The following FZD3 variants were observed in gnomAD, a reference collection of about 807,000 sequenced individuals.
The protein encoded by FZD3 is frizzled-3.
Under a neutral mutation model 60.7 loss-of-function variants are expected in FZD3, and 30 were observed. The ratio of observed to expected loss-of-function variants is 0.49; its 90% CI spans 0.37 to 0.67. FZD3 has a LOEUF of 0.67. Among genes scored for constraint, FZD3 ranks in the 30% least tolerant of loss-of-function variants. The pLI is 0.00. For missense variants in FZD3, 605 were observed against 838.7 expected (o/e 0.72, Z 3.44); for synonymous variants, 246 against 275.2 (o/e 0.89, Z 1.05).
intron 7 of FZD3, among the ~76,000 whole-genome samples, chr8:28,557,184 G>C (rs866127087): frequency 3.4e-5 from 5 of 147,440 alleles, no homozygotes; most frequent in African/African-American, 7.6e-5. Flanking sequence ...ACTCCAGCCT[G>C]GGCAACAAGA....
Position 28,573,982 on chromosome 8 carries a change from T to G in FZD3, c.*10971T>G, listed in dbSNP as rs903695278. On this transcript the variant is annotated 3_prime_UTR_variant, in exon 8 of 8. Transcript: ENST00000240093. The stretch of plus-strand genomic sequence containing the variant: ...TTCATGTTTCTTTTTTATATGTTTA[T>G]TAAAATTGTTCACTTCCAAATGAGT... 1 of 152,172 alleles carries G rather than the reference T, an allele frequency of 6.6e-6. No individual in the cohort carries two copies. The highest frequency in any genetic ancestry group is 1.5e-5 in the Non-Finnish European group (1 of 68,010). 9.4% of individuals were successfully genotyped at this position (152,172 alleles called of 1,614,324 possible). A position where few individuals can be genotyped will look rare whatever the true frequency, so the allele number is the denominator to read the frequency against.
rs192900853 is a variant in FZD3, at chr8:28,504,307, G to A, written c.189+1105G>A. Reference sequence around the variant, plus strand: ...TACACGAGGTCTAAGTGGTTGAAGAGAGAGAATTGGTATAGGCTATCAGAT... The same window carrying A: ...TACACGAGGTCTAAGTGGTTGAAGAAAGAGAATTGGTATAGGCTATCAGAT... On this transcript the variant is annotated intron_variant, in intron 3 of 7. Transcript: ENST00000240093. Among the ~76,000 whole-genome samples the A allele has an allele frequency of 1.6e-4, 25 of 152,314 alleles. No homozygotes were observed. In the East Asian group the frequency reaches 4.8e-3, roughly 29 times the overall value.
intron 5 of FZD3, among the ~76,000 whole-genome samples, chr8:28,540,535 A>G (rs1389633901): frequency 6.6e-6 from 1 of 152,232 alleles, no homozygotes; most frequent in Non-Finnish European, 1.5e-5. Context: ...CAAATGTGAT[A>G]TAACATCAAT....
chr8:28,509,234 C>G (rs959288222), intron 3 of FZD3, among the ~76,000 whole-genome samples: 4 of 151,760 alleles, frequency 2.6e-5, no homozygotes, highest in African/African-American at 9.7e-5. Context: ...TTCTATCCCT[C>G]TGTCACCTCT....
At position 28,527,985 on chromosome 8, in the gene FZD3, G is replaced by A; in HGVS notation, c.1225G>A (p.Glu409Lys). ...RVRIEIPLEK[E>K]NQDKLVKFMI... ...TCGAATTGAGATTCCATTAGAAAAGGAGAACCAAGATAAATTAGTGAAGTT... is the reference window on the plus strand; with the variant it reads ...TCGAATTGAGATTCCATTAGAAAAGAAGAACCAAGATAAATTAGTGAAGTT... Residue 409 changes from glutamate to lysine, a missense_variant, in exon 5 of 8, where the codon GAG becomes AAG. Transcript: ENST00000240093. This position sits in a 1 kb window ranked among gnomAD's most constrained non-coding sequence, Gnocchi z 5.0. The A allele has an allele frequency of 6.2e-7, 1 of 1,613,998 alleles. No homozygotes were observed.
In FZD3 at chr8:28,574,169, TTAAC is replaced by T. The variant is rs1035815633; in HGVS notation, c.*11160_*11163del. The T allele has an allele frequency of 6.6e-6, 1 of 152,190 alleles. No homozygotes were observed. The highest frequency in any genetic ancestry group is 1.5e-5 in the Non-Finnish European group (1 of 68,018). The allele number at this position is 152,190 out of a possible 1,614,324, so 9.4% of individuals were successfully genotyped here. The stretch of plus-strand genomic sequence containing the variant: ...TTTGTAAATGTTTTTTCTTAGCACT[TTAAC>T]TGTGAGTGTACAAACTGATTTTAAA... On this transcript the variant is annotated 3_prime_UTR_variant, in exon 8 of 8. Transcript: ENST00000240093.
At chr8:28,517,624 C>T (rs1479963787) in intron 3 of FZD3, among the ~76,000 whole-genome samples, 1 of 151,986 alleles carries the variant, frequency 6.6e-6, no homozygotes, top group East Asian at 1.9e-4. Flanking sequence ...ATTTTTTGGT[C>T]TGTGACCTTC....
At position 28,501,540 on chromosome 8, in the gene FZD3, T is replaced by C. The variant is rs911923531; in HGVS notation, c.-344-1130T>C. ...AGGCTCTCCACAACAAACATAAGAC[T>C]ATCCAATGCATATGAAACAAATTGA... On this transcript the variant is annotated intron_variant, in intron 2 of 7. Coordinates refer to ENST00000240093, the MANE Select transcript of FZD3 (RefSeq NM_017412.4). Among the ~76,000 whole-genome samples, 5 of 152,352 alleles carry C rather than the reference T, an allele frequency of 3.3e-5. No individual in the cohort carries two copies. In the East Asian group the frequency reaches 9.6e-4, roughly 29 times the overall value.
chr8:28,543,627 C>T (rs890935617), intron 5 of FZD3, among the ~76,000 whole-genome samples: 4 of 151,932 alleles, frequency 2.6e-5, no homozygotes, highest in Non-Finnish European at 2.9e-5. Context: ...GTGATGTGCT[C>T]GCCTTGGCCT....
At chr8:28,500,242 A>G (rs568573825) in intron 2 of FZD3, among the ~76,000 whole-genome samples, 6 of 152,360 alleles carry the variant, frequency 3.9e-5, no homozygotes, top group African/African-American at 1.4e-4. Flanking sequence ...GCATCTTGGT[A>G]CATGGTAATT....
rs1200497780 is a variant in FZD3 at position 28,565,899 on chromosome 8, A to G, written c.*2888A>G. On this transcript the variant is annotated 3_prime_UTR_variant, in exon 8 of 8. Coordinates refer to ENST00000240093, the MANE Select transcript of FZD3 (RefSeq NM_017412.4). ...TAGTGTTTTCTTTTTTCAGTTGACA[A>G]CTGAGAAAATAATAGTTCTCTCTAA... is the stretch of plus-strand genomic sequence containing the variant. 6.6e-6 allele frequency: 1 copy of G among 152,140 alleles called. No homozygotes were observed. The highest frequency in any genetic ancestry group is 1.5e-5 in the Non-Finnish European group (1 of 67,976). 9.4% of individuals were successfully genotyped at this position (152,140 alleles called of 1,614,324 possible). A position where few individuals can be genotyped will look rare whatever the true frequency, so the allele number is the denominator to read the frequency against.
chr8:28,531,796 T>C (rs1022051076), intron 5 of FZD3, among the ~76,000 whole-genome samples: 2 of 152,216 alleles, frequency 1.3e-5, no homozygotes, highest in African/African-American at 4.8e-5. Flanking sequence ...TGCTTTTTAC[T>C]GTTTAAATAT....
intron 1 of FZD3, among the ~76,000 whole-genome samples, chr8:28,496,029 C>T (rs1403144654): frequency 6.6e-6 from 1 of 152,180 alleles, no homozygotes; most frequent in Non-Finnish European, 1.5e-5. Flanking sequence ...TTTCCTCATC[C>T]TAGCTGCTCT....
chr8:28,545,513 G>T (rs538543911), intron 5 of FZD3, among the ~76,000 whole-genome samples: 9 of 152,292 alleles, frequency 5.9e-5, no homozygotes, highest in African/African-American at 1.9e-4. Flanking sequence ...GAGAGGGAGA[G>T]ATCTTCTCAG....
intron 5 of FZD3, among the ~76,000 whole-genome samples, chr8:28,540,478 C>T (rs13249316): frequency 0.5 from 75,394 of 152,024 alleles, 20,100 homozygotes; most frequent in South Asian, 0.63. Context: ...CCACTGGCCT[C>T]GGCCTCCCAA....
At chr8:28,519,694 C>T (rs1804521957) in intron 3 of FZD3, among the ~76,000 whole-genome samples, 2 of 149,484 alleles carry the variant, frequency 1.3e-5, no homozygotes, top group Non-Finnish European at 3.0e-5. Context: ...CCTGTCACTG[C>T]ACTCTGGCCT....
In FZD3 at chr8:28,502,942, G is replaced by A. The variant is rs1369694581; in HGVS notation, c.-72G>A. ...AAGAAGTACCTTCGAGCTGAGACCT[G>A]CAGGTGTATAAATATCTAAAATACA... On this transcript the variant is annotated 5_prime_UTR_variant, in exon 3 of 8. Coordinates refer to ENST00000240093, the MANE Select transcript of FZD3 (RefSeq NM_017412.4). 3.2e-6 allele frequency: 3 copies of A among 939,186 alleles called. No individual in the cohort carries two copies. Among genetic ancestry groups the A allele is most frequent in the Non-Finnish European group, 4.9e-6 (3 of 610,062 alleles). 58.2% of individuals were successfully genotyped at this position (939,186 alleles called of 1,614,324 possible). A position where few individuals can be genotyped will look rare whatever the true frequency, so the allele number is the denominator to read the frequency against.
At chr8:28,550,481 C>G (rs1031447745) in intron 5 of FZD3, among the ~76,000 whole-genome samples, 1 of 34,336 alleles carries the variant, frequency 2.9e-5, no homozygotes, top group African/African-American at 1.3e-4. Flanking sequence ...CTTCTTTTAT[C>G]TTTTTTTTTT....
At chr8:28,501,946 T>C (rs978003081) in intron 2 of FZD3, among the ~76,000 whole-genome samples, 3 of 152,234 alleles carry the variant, frequency 2.0e-5, no homozygotes, top group Non-Finnish European at 2.9e-5. Context: ...ACCTTCTATA[T>C]GTCAGTTCAG....
Sources: gnomAD v4.1 joint callset for allele counts (sites outside exome capture counted in the v4.1 genomes callset) on GRCh38, gnomAD v4.1.1 for gene constraint, Gnocchi (gnomAD v3.1) non-coding constraint, MANE v1.5 for transcripts, NCBI Gene and HGNC (gene_info 2026-07-23, HGNC 2026-07-21) for gene names.